The following TRPM6 variants were observed in gnomAD, a reference collection of about 807,000 sequenced individuals.
TRPM6 encodes transient receptor potential cation channel subfamily M member 6.
In TRPM6, 111 loss-of-function variants were observed where a neutral mutation model predicts 247.6. The observed-to-expected ratio is 0.45, with a 90% CI of 0.38 to 0.52. The LOEUF (loss-of-function observed/expected upper bound fraction) is 0.52, where lower values mean the gene tolerates loss of function less well. TRPM6 is among the 20% of genes least tolerant of loss of function. TRPM6 has a pLI of 0.00. For synonymous variants in TRPM6, 892 were observed against 853.8 expected (o/e 1.04, Z -0.78); for missense variants, 2,126 against 2,421.5 (o/e 0.88, Z 2.56).
intron 2 of TRPM6, among the ~76,000 whole-genome samples, chr9:74,855,952 T>C (rs1315186488): frequency 3.9e-5 from 6 of 152,150 alleles, no homozygotes; most frequent in Non-Finnish European, 8.8e-5. Flanking sequence ...GTAGCTACTA[T>C]TATTATTAAA....
Position 74,887,804 on chromosome 9 carries a change from G to C in TRPM6, c.33+20C>G, listed in dbSNP as rs966720688. The stretch of plus-strand genomic sequence containing the variant: ...CGCCTAAGGTCCTTGTTCCCCGCCA[G>C]TCGAGCAGCCTGAGCTTACCTGCAA... On this transcript the variant is annotated intron_variant, in intron 1 of 38. Coordinates refer to ENST00000360774, the MANE Select transcript of TRPM6 (RefSeq NM_017662.5). 6.2e-7 allele frequency: 1 copy of C among 1,614,174 alleles called. No homozygotes were observed. Among genetic ancestry groups the C allele is most frequent in the Non-Finnish European group, 8.5e-7 (1 of 1,180,038 alleles).
At chr9:74,828,522 A>T (rs1488353047) in intron 6 of TRPM6, among the ~76,000 whole-genome samples, 5 of 152,184 alleles carry the variant, frequency 3.3e-5, no homozygotes, top group African/African-American at 1.2e-4. Flanking sequence ...GTTCAACAGT[A>T]TTGAAACAAA....
chr9:74,790,758 G>T (rs1827872818), intron 19 of TRPM6, among the ~76,000 whole-genome samples: 1 of 152,174 alleles, frequency 6.6e-6, no homozygotes, highest in Admixed American at 6.6e-5. Context: ...TACGAATCTG[G>T]AAGATTTATA....
chr9:74,854,473 C>T (rs530908929), intron 3 of TRPM6, among the ~76,000 whole-genome samples: 24 of 152,118 alleles, frequency 1.6e-4, no homozygotes, highest in African/African-American at 5.5e-4. Flanking sequence ...ACCGCAATTA[C>T]GTTTGCACCA....
chr9:74,729,173 T>A (rs551827468), intron 37 of TRPM6, among the ~76,000 whole-genome samples: 1 of 152,318 alleles, frequency 6.6e-6, no homozygotes, highest in South Asian at 2.1e-4. Context: ...AAAGCTAATA[T>A]TTTATTTTAA....
intron 2 of TRPM6, among the ~76,000 whole-genome samples, chr9:74,856,162 G>A (rs1474624827): frequency 2.0e-5 from 3 of 152,108 alleles, no homozygotes; most frequent in Non-Finnish European, 4.4e-5. Flanking sequence ...TTTTGGGCCA[G>A]GCACAGTGGC....
chr9:74,830,763 T>TGG (rs1829517166), intron 6 of TRPM6, among the ~76,000 whole-genome samples: 2 of 140,022 alleles, frequency 1.4e-5, no homozygotes, highest in East Asian at 4.1e-4. Flanking sequence ...TTTTTTTTTT[T>TGG]TTTTTTTTTT....
At position 74,887,467 on chromosome 9, in the gene TRPM6, C is replaced by A. The variant is rs1024548182; in HGVS notation, c.33+357G>T. 6 of 1,009,042 alleles carry A rather than the reference C, an allele frequency of 5.9e-6. No individual in the cohort carries two copies. In the African/African-American group the frequency reaches 1.4e-4, roughly 24 times the overall value. 62.5% of individuals were successfully genotyped at this position (1,009,042 alleles called of 1,614,324 possible). ...CCTCCGAACTCCTCTCCCTCCGGCC[C>A]GGAGCGGAATCAGAGCTGCCTCCTC... On this transcript the variant is annotated intron_variant, in intron 1 of 38. Transcript: ENST00000360774.
At chr9:74,776,545 G>A (rs187969794) in intron 23 of TRPM6, among the ~76,000 whole-genome samples, 4 of 152,240 alleles carry the variant, frequency 2.6e-5, no homozygotes, top group East Asian at 3.9e-4. Context: ...GTGAAGAAAC[G>A]GAAGAAGAAT....
intron 31 of TRPM6, among the ~76,000 whole-genome samples, chr9:74,747,132 T>G (rs1254755277): frequency 1.3e-5 from 2 of 152,180 alleles, no homozygotes; most frequent in Admixed American, 6.5e-5. Context: ...TTCAGAAAAG[T>G]GATGGGGCAC....
intron 6 of TRPM6, among the ~76,000 whole-genome samples, chr9:74,829,101 T>C (rs1564033688): frequency 6.6e-6 from 1 of 152,084 alleles, no homozygotes; most frequent in Non-Finnish European, 1.5e-5. Flanking sequence ...GAGACCAGCC[T>C]GGCCAACATG....
intron 3 of TRPM6, among the ~76,000 whole-genome samples, chr9:74,850,666 G>A (rs963256971): frequency 1.0e-4 from 15 of 150,270 alleles, no homozygotes; most frequent in Admixed American, 5.3e-4. Context: ...GTTACTGTGA[G>A]CCGAGATCAC....
chr9:74,784,010 C>A (rs1827555928), intron 21 of TRPM6, among the ~76,000 whole-genome samples: 1 of 152,130 alleles, frequency 6.6e-6, no homozygotes, highest in African/African-American at 2.4e-5. Flanking sequence ...AATCCCAGCA[C>A]TTTGGGAGGC....
At chr9:74,887,150 C>T (rs374076774) in intron 1 of TRPM6, 3 of 856,120 alleles carry the variant, frequency 3.5e-6, no homozygotes, top group African/African-American at 1.7e-5. Context: ...TGGAGAGGAG[C>T]CAGCGGGGAC....
chr9:74,803,443 C>CA (rs1316778150), intron 15 of TRPM6, among the ~76,000 whole-genome samples: 2 of 152,128 alleles, frequency 1.3e-5, no homozygotes. Flanking sequence ...AAGAAGGAAA[C>CA]AGACTTCACA....
At chr9:74,794,000 G>T (rs1305487598) in intron 18 of TRPM6, among the ~76,000 whole-genome samples, 1 of 151,896 alleles carries the variant, frequency 6.6e-6, no homozygotes, top group African/African-American at 2.4e-5. Flanking sequence ...GAAAGGAAGA[G>T]AAAAGAAAAG....
intron 27 of TRPM6, among the ~76,000 whole-genome samples, chr9:74,758,581 T>C (rs1390453703): frequency 6.6e-6 from 1 of 152,140 alleles, no homozygotes; most frequent in African/African-American, 2.4e-5. Context: ...CAAAGGCTAA[T>C]ATCCATGAAT....
chr9:74,776,762 T>G (rs1291875613), intron 23 of TRPM6, among the ~76,000 whole-genome samples: 1 of 152,214 alleles, frequency 6.6e-6, no homozygotes, highest in Non-Finnish European at 1.5e-5. Context: ...CTTAACTACT[T>G]AACTTTAAGT....
intron 23 of TRPM6, among the ~76,000 whole-genome samples, chr9:74,779,119 A>C (rs907554066): frequency 6.6e-6 from 1 of 152,156 alleles, no homozygotes; most frequent in Non-Finnish European, 1.5e-5. Context: ...TCTACCAAAA[A>C]TACAAAATTT....
Sources: gnomAD v4.1 joint callset for allele counts (sites outside exome capture counted in the v4.1 genomes callset) on GRCh38, gnomAD v4.1.1 for gene constraint, MANE v1.5 for transcripts, NCBI Gene and HGNC (gene_info 2026-07-23, HGNC 2026-07-21) for gene names.